ZNF277: variants seen among roughly 807,000 people sequenced by gnomAD.
ZNF277 encodes zinc finger protein 277.
In ZNF277, 55 loss-of-function variants were observed where a neutral mutation model predicts 60.7. That is an observed-to-expected ratio of 0.91 (90% CI 0.73 to 1.13). The LOEUF (loss-of-function observed/expected upper bound fraction) is 1.13. Among genes scored for constraint, ZNF277 ranks in the 50% most tolerant of loss-of-function variants. The probability of loss-of-function intolerance (pLI) is 0.00; values close to 1 mark genes in which losing one functional copy is unlikely to be tolerated. For synonymous variants in ZNF277, 178 were observed against 179.3 expected, an observed-to-expected ratio of 0.99 and a Z score of 0.06; for missense variants, 510 against 523.0, an observed-to-expected ratio of 0.98 and a Z score of 0.24.
At chr7:112,330,062 A>G (rs1793188777) in intron 6 of ZNF277, 22 bp from the exon 7 acceptor site, 2 of 1,596,430 alleles carry the variant, frequency 1.3e-6, no homozygotes, top group Non-Finnish European at 1.7e-6. Flanking sequence ...CTTGTTTATC[A>G]GTGTTTGTGT....
intron 1 of ZNF277, among the ~76,000 whole-genome samples, chr7:112,231,788 C>T (rs377090087): frequency 1.4e-4 from 22 of 152,042 alleles, no homozygotes; most frequent in African/African-American, 5.1e-4. Context: ...AACACAACCA[C>T]GGAACTTTGT....
intron 1 of ZNF277, among the ~76,000 whole-genome samples, chr7:112,229,134 G>A (rs1822255319): frequency 6.6e-6 from 1 of 152,186 alleles, no homozygotes; most frequent in African/African-American, 2.4e-5. Context: ...ACATAGTTGT[G>A]TATTCTTTGA....
At chr7:112,265,152 G>T (rs1791520855) in intron 1 of ZNF277, among the ~76,000 whole-genome samples, 1 of 152,116 alleles carries the variant, frequency 6.6e-6, no homozygotes, top group Non-Finnish European at 1.5e-5. Flanking sequence ...TTCCCAACTT[G>T]GCTGGTTAGC....
chr7:112,330,120 C>T lies in ZNF277; in HGVS notation c.705C>T (p.Asp235=). ...TGTACTGTGAGAAGACCTTCAGGGA[C>T]AAAAATACACTTAAAGATCACATGA... ...QCLYCEKTFR[D]KNTLKDHMRK... is the part of the protein sequence containing the mutation. The change falls in exon 7 of 12, where the codon GAC becomes GAT. Residue 235 remains aspartate (D), a synonymous_variant. Coordinates refer to ENST00000361822, the MANE Select transcript of ZNF277 (RefSeq NM_021994.3). The T allele has an allele frequency of 6.2e-7, 1 of 1,613,234 alleles. No homozygotes were observed. The highest frequency in any genetic ancestry group is 1.1e-5 in the South Asian group (1 of 91,036).
chr7:112,280,131 G>T (rs1031109596), intron 1 of ZNF277, among the ~76,000 whole-genome samples: 1 of 152,116 alleles, frequency 6.6e-6, no homozygotes, highest in Non-Finnish European at 1.5e-5. Flanking sequence ...GTGCAAATGG[G>T]ATTTCAGGGC....
chr7:112,281,335 T>G (rs1791939289), intron 1 of ZNF277, among the ~76,000 whole-genome samples: 1 of 152,206 alleles, frequency 6.6e-6, no homozygotes. Context: ...TGCTCTAAGC[T>G]AAAATGTATT....
intron 4 of ZNF277, among the ~76,000 whole-genome samples, chr7:112,299,921 C>G (rs1365494174): frequency 6.6e-6 from 1 of 152,182 alleles, no homozygotes; most frequent in Non-Finnish European, 1.5e-5. Flanking sequence ...ATGTGGAACT[C>G]TAGGTAAAGC....
chr7:112,297,903 C>T lies in ZNF277; in HGVS notation c.465+1592C>T, dbSNP rs114545571. Among the ~76,000 whole-genome samples, 759 of 152,228 alleles carry T rather than the reference C, an allele frequency of 5.0e-3. 8 individuals are homozygous for T. The highest frequency in any genetic ancestry group is 0.017 in the African/African-American group (697 of 41,534). On this transcript the variant is annotated intron_variant, in intron 4 of 11. Coordinates refer to ENST00000361822, the MANE Select transcript of ZNF277 (RefSeq NM_021994.3). ...TGTTCTTTAGCATGCAGAATCTGTACGATGTGTCTGCAGATGGACTCAGGT... is the reference window on the plus strand; with the variant it reads ...TGTTCTTTAGCATGCAGAATCTGTATGATGTGTCTGCAGATGGACTCAGGT...
intron 2 of ZNF277, 146 bp downstream of exon 2, chr7:112,287,220 T>A (rs975482208): frequency 1.3e-6 from 1 of 751,762 alleles, no homozygotes; most frequent in Non-Finnish European, 2.2e-6. Context: ...AAACAAAATT[T>A]AAAAATTATC....
At chr7:112,221,033 T>C (rs1008094516) in intron 1 of ZNF277, among the ~76,000 whole-genome samples, 2 of 152,124 alleles carry the variant, frequency 1.3e-5, no homozygotes, top group Admixed American at 6.5e-5. Flanking sequence ...TGTCCACCAC[T>C]GCTGTTTGCC....
intron 2 of ZNF277, among the ~76,000 whole-genome samples, chr7:112,293,280 TA>T (rs1343777321): frequency 6.6e-6 from 1 of 151,750 alleles, no homozygotes; most frequent in Non-Finnish European, 1.5e-5. Context: ...ATTGTCCATT[TA>T]AAAAAAAGTC....
intron 1 of ZNF277, among the ~76,000 whole-genome samples, chr7:112,241,299 A>G (rs9641481): frequency 0.097 from 14,796 of 152,210 alleles, 927 homozygotes; most frequent in East Asian, 0.16. Context: ...GCAAATCAAA[A>G]CTACAATAAG....
At chr7:112,215,102 G>A (rs759203403) in intron 1 of ZNF277, among the ~76,000 whole-genome samples, 5 of 152,186 alleles carry the variant, frequency 3.3e-5, no homozygotes, top group Non-Finnish European at 5.9e-5. Context: ...GCAGTAGCGA[G>A]TACAAGCCCA....
chr7:112,233,328 G>A (rs1263641549), intron 1 of ZNF277, among the ~76,000 whole-genome samples: 1 of 152,162 alleles, frequency 6.6e-6, no homozygotes, highest in Non-Finnish European at 1.5e-5. Context: ...TTCTGTGCCT[G>A]TTAACCATTG....
At chr7:112,325,819 C>A (rs1254522965) in intron 5 of ZNF277, among the ~76,000 whole-genome samples, 1 of 152,182 alleles carries the variant, frequency 6.6e-6, no homozygotes, top group Non-Finnish European at 1.5e-5. Context: ...GCCTATAAGC[C>A]TGGAAACAAG....
chr7:112,286,860 T>C lies in ZNF277; in HGVS notation c.92-13T>C, dbSNP rs759441440. On this transcript the variant is annotated splice_polypyrimidine_tract_variant and intron_variant, in intron 1 of 11. Coordinates refer to ENST00000361822, the MANE Select transcript of ZNF277 (RefSeq NM_021994.3). ...TTCTTTCTTTTTTTTTTTTTTTTTT[T>C]GGTCTATTCCAGACAGTAAGGATTG... is the stretch of plus-strand genomic sequence containing the variant. 3.2e-6 allele frequency: 4 copies of C among 1,242,754 alleles called. No homozygotes were observed. Among genetic ancestry groups the C allele is most frequent in the South Asian group, 3.3e-5 (2 of 60,096 alleles). The allele number at this position is 1,242,754 out of a possible 1,614,324, so 77.0% of individuals were successfully genotyped here. A position where few individuals can be genotyped will look rare whatever the true frequency, so the allele number is the denominator to read the frequency against.
chr7:112,301,968 A>G (rs1792481516), intron 4 of ZNF277, among the ~76,000 whole-genome samples: 2 of 152,140 alleles, frequency 1.3e-5, no homozygotes, highest in African/African-American at 4.8e-5. Flanking sequence ...TCACTGCATT[A>G]CACTTTGCAC....
At chr7:112,291,029 C>T (rs1704004623) in intron 2 of ZNF277, among the ~76,000 whole-genome samples, 1 of 152,060 alleles carries the variant, frequency 6.6e-6, no homozygotes, top group African/African-American at 2.4e-5. Context: ...TATAAGTTTT[C>T]ATACTAAATA....
chr7:112,215,222 T>A (rs767107902), intron 1 of ZNF277, among the ~76,000 whole-genome samples: 6 of 152,230 alleles, frequency 3.9e-5, no homozygotes, highest in Admixed American at 6.5e-5. Context: ...CTGCTGCTGC[T>A]ACTGCTACTA....
Sources: gnomAD v4.1 joint callset for allele counts (sites outside exome capture counted in the v4.1 genomes callset) on GRCh38, gnomAD v4.1.1 for gene constraint, MANE v1.5 for transcripts, NCBI Gene and HGNC (gene_info 2026-07-23, HGNC 2026-07-21) for gene names.